The following NKAIN2 variants were observed in gnomAD, a reference collection of about 807,000 sequenced individuals.
NKAIN2 encodes the protein sodium/potassium-transporting ATPase subunit beta-1-interacting protein 2.
In NKAIN2, 14 loss-of-function variants were observed where a neutral mutation model predicts 32.6. The ratio of observed to expected loss-of-function variants is 0.43; its 90% confidence interval spans 0.28 to 0.67. The LOEUF is 0.67. Among genes scored for constraint, NKAIN2 ranks in the 30% least tolerant of loss-of-function variants. The pLI, the probability that NKAIN2 is intolerant of heterozygous loss-of-function variation, is 0.17. For synonymous variants in NKAIN2, 80 were observed against 87.2 expected (o/e 0.92, Z 0.46); for missense variants, 198 against 258.3 (o/e 0.77, Z 1.60).
At chr6:124,613,195 T>G (rs982477836) in intron 3 of NKAIN2, among the ~76,000 whole-genome samples, 1 of 152,062 alleles carries the variant, frequency 6.6e-6, no homozygotes, top group Non-Finnish European at 1.5e-5. Flanking sequence ...GGCTGAGTGA[T>G]TTAGGTATTT....
intron 4 of NKAIN2, among the ~76,000 whole-genome samples, chr6:124,715,094 A>G (rs1040752087): frequency 1.3e-5 from 2 of 152,146 alleles, no homozygotes; most frequent in African/African-American, 2.4e-5. Context: ...ATTTCATTCC[A>G]TTACCCCTTG....
At chr6:124,237,011 G>T (rs1792806039) in intron 1 of NKAIN2, among the ~76,000 whole-genome samples, 1 of 152,108 alleles carries the variant, frequency 6.6e-6, no homozygotes, top group Non-Finnish European at 1.5e-5. Flanking sequence ...TTGGGTGTGT[G>T]GGATCAAGGA....
chr6:124,407,345 C>G (rs937987973), intron 3 of NKAIN2, among the ~76,000 whole-genome samples: 1 of 145,816 alleles, frequency 6.9e-6, no homozygotes, highest in African/African-American at 2.5e-5. Flanking sequence ...TCCCTCCCCC[C>G]TCCCCACATG....
intron 1 of NKAIN2, among the ~76,000 whole-genome samples, chr6:124,013,475 A>T (rs1780428723): frequency 6.6e-6 from 1 of 152,206 alleles, no homozygotes; most frequent in Non-Finnish European, 1.5e-5. Flanking sequence ...CACTGTTAAG[A>T]TATGAGAAAT....
intron 3 of NKAIN2, among the ~76,000 whole-genome samples, chr6:124,591,136 A>G (rs1243460899): frequency 6.6e-6 from 1 of 152,232 alleles, no homozygotes; most frequent in African/African-American, 2.4e-5. Flanking sequence ...ATTCTAGAGA[A>G]GTCAAGAAGT....
chr6:124,479,887 A>C (rs118021131), intron 3 of NKAIN2, among the ~76,000 whole-genome samples: 3 of 152,192 alleles, frequency 2.0e-5, no homozygotes, highest in Admixed American at 2.0e-4. Context: ...AGATAAATGT[A>C]TTAGACCTAA....
At chr6:124,700,527 G>A (rs904330162) in intron 4 of NKAIN2, among the ~76,000 whole-genome samples, 1 of 152,052 alleles carries the variant, frequency 6.6e-6, no homozygotes, top group Non-Finnish European at 1.5e-5. Context: ...TTGCAAATGG[G>A]TAACAGTATT....
At chr6:124,350,364 T>A (rs1798661687) in intron 2 of NKAIN2, among the ~76,000 whole-genome samples, 1 of 150,408 alleles carries the variant, frequency 6.6e-6, no homozygotes, top group Non-Finnish European at 1.5e-5. Flanking sequence ...CTAGGCAAAA[T>A]CCAATTACAG....
chr6:124,295,604 C>G (rs781621204), intron 2 of NKAIN2, among the ~76,000 whole-genome samples: 10 of 152,060 alleles, frequency 6.6e-5, no homozygotes, highest in Non-Finnish European at 1.2e-4. Context: ...TTGCAAAATC[C>G]TAATTTTATT....
intron 1 of NKAIN2, among the ~76,000 whole-genome samples, chr6:123,910,499 G>GTTTTTTTTTTTTTT (rs35165515): frequency 6.1e-5 from 5 of 81,314 alleles, no homozygotes; most frequent in Admixed American, 1.8e-4. Flanking sequence ...TGCAATGCAT[G>GTTTTTTTTTTTTTT]TTTTTTTTTT....
chr6:124,198,664 A>C (rs1001398293), intron 1 of NKAIN2, among the ~76,000 whole-genome samples: 1 of 151,762 alleles, frequency 6.6e-6, no homozygotes, highest in Non-Finnish European at 1.5e-5. Context: ...TTTGCTCTGC[A>C]TGAGAGAAGA....
At chr6:124,394,086 A>T (rs1451566864) in intron 3 of NKAIN2, among the ~76,000 whole-genome samples, 1 of 152,182 alleles carries the variant, frequency 6.6e-6, no homozygotes, top group Non-Finnish European at 1.5e-5. Flanking sequence ...TGTTCTGGGT[A>T]TAATACTTGC....
chr6:123,911,789 A>G (rs868467702), intron 1 of NKAIN2, among the ~76,000 whole-genome samples: 31 of 112,118 alleles, frequency 2.8e-4, no homozygotes, highest in African/African-American at 4.5e-4. Flanking sequence ...ATACATATAT[A>G]TATATATATA....
chr6:124,271,452 G>A (rs1413454568), intron 1 of NKAIN2, among the ~76,000 whole-genome samples: 4 of 152,092 alleles, frequency 2.6e-5, no homozygotes, highest in African/African-American at 9.7e-5. Flanking sequence ...TCCTGACCTC[G>A]TGATCCACCC....
At chr6:124,298,150 C>G (rs1222521753) in intron 2 of NKAIN2, among the ~76,000 whole-genome samples, 1 of 151,946 alleles carries the variant, frequency 6.6e-6, no homozygotes, top group East Asian at 1.9e-4. Flanking sequence ...ATCTAGGAGT[C>G]AAAATATTTC....
At chr6:124,587,923 G>T (rs143824305) in intron 3 of NKAIN2, among the ~76,000 whole-genome samples, 1 of 152,308 alleles carries the variant, frequency 6.6e-6, no homozygotes, top group African/African-American at 2.4e-5. Flanking sequence ...CTAACAAAGT[G>T]TAACTACAGG....
chr6:123,910,235 T>G (rs1373821334), intron 1 of NKAIN2, among the ~76,000 whole-genome samples: 1 of 152,088 alleles, frequency 6.6e-6, no homozygotes, highest in Non-Finnish European at 1.5e-5. Context: ...GCAAGTGGGG[T>G]GGGGTGTGAA....
At chr6:124,335,487 T>C (rs1055347748) in intron 2 of NKAIN2, among the ~76,000 whole-genome samples, 1 of 152,164 alleles carries the variant, frequency 6.6e-6, no homozygotes, top group African/African-American at 2.4e-5. Flanking sequence ...TGCTTTGAAT[T>C]TGAAATGAAG....
At chr6:124,040,655 A>G (rs73770316) in intron 1 of NKAIN2, among the ~76,000 whole-genome samples, 2,410 of 152,112 alleles carry the variant, frequency 0.016, 65 homozygotes, top group African/African-American at 0.055. Context: ...TATGGAATGA[A>G]CACCAGATAA....
Sources: allele counts gnomAD v4.1 joint callset (sites outside exome capture counted in the v4.1 genomes callset), GRCh38; gene constraint gnomAD v4.1.1; transcripts MANE v1.5; gene names NCBI Gene and HGNC (gene_info 2026-07-23, HGNC 2026-07-21).